NTRK2: variants seen among roughly 807,000 people sequenced by gnomAD.
The protein encoded by NTRK2 is neurotrophic receptor tyrosine kinase 2.
A neutral mutation model predicts 94.5 loss-of-function variants in NTRK2; 13 were observed. The observed-to-expected ratio is 0.14, with a 90% CI of 0.09 to 0.22. The LOEUF is 0.22. Ranked by LOEUF, NTRK2 falls within the 10% of genes least tolerant of loss-of-function variation. The pLI is 1.00. For missense variants in NTRK2, 639 were observed against 1,071.2 expected (o/e 0.60, Z 5.63); for synonymous variants, 372 against 407.4 (o/e 0.91, Z 1.05).
chr9:84,890,184 TC>T (rs937550826), intron 14 of NTRK2, among the ~76,000 whole-genome samples: 12 of 152,144 alleles, frequency 7.9e-5, no homozygotes, highest in African/African-American at 2.4e-5. Flanking sequence ...CCCCTTTACT[TC>T]CCCCTCCCTC....
chr9:84,881,799 T>A (rs1018221911), intron 14 of NTRK2, among the ~76,000 whole-genome samples: 14 of 152,240 alleles, frequency 9.2e-5, no homozygotes, highest in Non-Finnish European at 1.8e-4. Context: ...TTGCTCTTTC[T>A]GTCCCACCTC....
chr9:84,735,167 A>G (rs947931554), intron 9 of NTRK2, among the ~76,000 whole-genome samples: 4 of 152,182 alleles, frequency 2.6e-5, no homozygotes, highest in African/African-American at 9.7e-5. Context: ...AGTCTGGTCA[A>G]CAAAGTGAGA....
intron 13 of NTRK2, 93 bp downstream of exon 13, chr9:84,861,180 C>T (rs1168748046): frequency 2.0e-6 from 2 of 975,722 alleles, no homozygotes; most frequent in Non-Finnish European, 3.2e-6. Flanking sequence ...ATTCCACGGT[C>T]TTTGATTCAT....
At chr9:85,016,927 G>A (rs1159938236) in intron 17 of NTRK2, among the ~76,000 whole-genome samples, 1 of 152,160 alleles carries the variant, frequency 6.6e-6, no homozygotes, top group Non-Finnish European at 1.5e-5. Context: ...GAAAATAAAT[G>A]ATCAGATGAG....
At chr9:84,782,294 C>G (rs771319168) in intron 12 of NTRK2, among the ~76,000 whole-genome samples, 1 of 152,176 alleles carries the variant, frequency 6.6e-6, no homozygotes, top group Non-Finnish European at 1.5e-5. Context: ...TACTTGAAAT[C>G]TAATTCTCAG....
chr9:84,994,556 CA>C (rs1163245174), intron 17 of NTRK2, among the ~76,000 whole-genome samples: 1 of 152,180 alleles, frequency 6.6e-6, no homozygotes, highest in African/African-American at 2.4e-5. Context: ...TTGCAGAAGA[CA>C]CTCTTTATTG....
chr9:84,744,613 G>A (rs111694489), intron 10 of NTRK2, among the ~76,000 whole-genome samples: 8 of 152,122 alleles, frequency 5.3e-5, no homozygotes, highest in South Asian at 2.1e-4. Context: ...AGACCTTTCC[G>A]GGTCTATAAA....
chr9:84,778,837 G>A (rs1172306265), intron 12 of NTRK2, among the ~76,000 whole-genome samples: 2 of 152,314 alleles, frequency 1.3e-5, no homozygotes, highest in African/African-American at 2.4e-5. Flanking sequence ...TGCCTGTCAT[G>A]TGGAGTTTGA....
At chr9:84,697,958 GTC>G (rs902117218) in intron 2 of NTRK2, among the ~76,000 whole-genome samples, 2 of 151,916 alleles carry the variant, frequency 1.3e-5, no homozygotes, top group African/African-American at 2.4e-5. Context: ...CTTGCTTGCT[GTC>G]TCTTTCTTTT....
At chr9:84,676,555 CTCT>C (rs1369689140) in intron 2 of NTRK2, among the ~76,000 whole-genome samples, 2 of 152,152 alleles carry the variant, frequency 1.3e-5, no homozygotes, top group African/African-American at 2.4e-5. Context: ...CTGCTTCAGC[CTCT>C]TCTTTGCAAA....
chr9:84,877,826 G>T (rs1032352123), intron 14 of NTRK2: 29 of 1,045,138 alleles, frequency 2.8e-5, no homozygotes, highest in Non-Finnish European at 3.1e-5. Flanking sequence ...GAGATCTTTT[G>T]TACTGGAATT....
intron 2 of NTRK2, among the ~76,000 whole-genome samples, chr9:84,689,437 A>G (rs1003546691): frequency 6.6e-6 from 1 of 152,124 alleles, no homozygotes; most frequent in African/African-American, 2.4e-5. Context: ...GGTTTCTTTG[A>G]TGGTCCTGGT....
At chr9:84,754,743 C>T (rs1345587524) in intron 12 of NTRK2, among the ~76,000 whole-genome samples, 2 of 152,182 alleles carry the variant, frequency 1.3e-5, no homozygotes, top group East Asian at 1.9e-4. Context: ...AATGTTATTC[C>T]TCCCTTCCTA....
intron 12 of NTRK2, among the ~76,000 whole-genome samples, chr9:84,769,151 G>T (rs1235352856): frequency 6.6e-6 from 1 of 152,268 alleles, no homozygotes; most frequent in Non-Finnish European, 1.5e-5. Context: ...TCTTCCAGAT[G>T]TGTTGACGTA....
At chr9:84,688,754 T>C (rs903027662) in intron 2 of NTRK2, among the ~76,000 whole-genome samples, 2 of 152,254 alleles carry the variant, frequency 1.3e-5, no homozygotes, top group African/African-American at 2.4e-5. Context: ...TTGTAAAAAC[T>C]GTGCCTGAAA....
At chr9:84,818,963 G>A (rs1207944625) in intron 12 of NTRK2, among the ~76,000 whole-genome samples, 1 of 152,176 alleles carries the variant, frequency 6.6e-6, no homozygotes, top group African/African-American at 2.4e-5. Context: ...TGTCCCGTCT[G>A]GCAGCCAGTG....
chr9:84,702,502 A>G (rs2060795556), intron 4 of NTRK2, 83 bp downstream of exon 4: 12 of 1,136,938 alleles, frequency 1.1e-5, no homozygotes, highest in Non-Finnish European at 1.6e-5. Flanking sequence ...TTCTTTTCCA[A>G]CTTGAAACCT....
At chr9:84,749,884 A>G (rs1461927731) in intron 11 of NTRK2, among the ~76,000 whole-genome samples, 2 of 152,198 alleles carry the variant, frequency 1.3e-5, no homozygotes, top group Non-Finnish European at 2.9e-5. Context: ...AGAATAAGCT[A>G]TGCTGCAGTA....
chr9:84,833,635 G>A (rs907524955), intron 12 of NTRK2, among the ~76,000 whole-genome samples: 2 of 150,734 alleles, frequency 1.3e-5, no homozygotes, highest in African/African-American at 4.9e-5. Flanking sequence ...AGAAAGGCAG[G>A]AAGGAAGGAG....
Sources: gnomAD v4.1 joint callset for allele counts (sites outside exome capture counted in the v4.1 genomes callset) on GRCh38, gnomAD v4.1.1 for gene constraint, MANE v1.5 for transcripts, NCBI Gene and HGNC (gene_info 2026-07-23, HGNC 2026-07-21) for gene names.